The following CGB2 variants were observed in gnomAD, a reference collection of about 807,000 sequenced individuals.
CGB2 encodes the protein choriogonadotropin subunit beta variant 2.
A neutral mutation model predicts 7.1 loss-of-function variants in CGB2; 4 were observed. That is an observed-to-expected ratio of 0.57 (90% confidence interval 0.28 to 1.29). The LOEUF is 1.29. CGB2 is among the 50% of genes most tolerant of loss of function. The pLI, the probability that CGB2 is intolerant of heterozygous loss-of-function variation, is 0.10. For missense variants in CGB2, 88 were observed against 224.0 expected, an observed-to-expected ratio of 0.39 and a Z score of 3.88; for synonymous variants, 51 against 100.3, an observed-to-expected ratio of 0.51 and a Z score of 2.94.
chr19:49,032,478 C>T (rs553803268), intron 1 of CGB2, 26 bp from the exon 2 acceptor site: 57 of 1,556,686 alleles, frequency 3.7e-5, no homozygotes, highest in Admixed American at 2.8e-4. Context: ...GTCTCAGACC[C>T]GGGTGAAGCA....
At chr19:49,032,289 A>C in intron 1 of CGB2, 185 bp downstream of exon 1, 1 of 1,590,150 alleles carries the variant, frequency 6.3e-7, no homozygotes, top group Non-Finnish European at 8.6e-7. Flanking sequence ...CAGGTGGGGC[A>C]GTTCCTGAGG....
In CGB2 at chr19:49,033,218, A is replaced by G. The variant is rs549468046; in HGVS notation, c.489A>G (p.Gln163=). ...PGPSDTPILP[Q] ...CCTCAGACACCCCGATCCTCCCACAATAAAGGCTTCTCAATCCGCACTCTG... is the reference window on the plus strand; with the variant it reads ...CCTCAGACACCCCGATCCTCCCACAGTAAAGGCTTCTCAATCCGCACTCTG... The change falls in exon 3 of 3, where the codon CAA becomes CAG. Residue 163 remains glutamine (Q), a synonymous_variant. Transcript: ENST00000359342. 8 of 1,611,724 alleles carry G rather than the reference A, an allele frequency of 5.0e-6. No homozygotes were observed. The South Asian group carries it at 7.7e-5, about 16-fold the overall frequency.
rs1249806863 is a variant in CGB2, at chr19:49,031,932, TG to T, written c.-163del. ...GCCCCCTGGAGGGAGGAAGGGGAAC[TG>T]TATCTGAGAGAGAGCAGCCAATTGG... is the stretch of plus-strand genomic sequence containing the variant. On this transcript the variant is annotated 5_prime_UTR_variant, in exon 1 of 3. Transcript: ENST00000359342. 1.1e-6 allele frequency: 1 copy of T among 886,782 alleles called. No homozygotes were observed. Among genetic ancestry groups the T allele is most frequent in the Non-Finnish European group, 1.8e-6 (1 of 553,178 alleles). The allele number at this position is 886,782 out of a possible 1,614,324, so 54.9% of individuals were successfully genotyped here.
chr19:49,032,458 C>G (rs749223655), intron 1 of CGB2, 46 bp from the exon 2 acceptor site: 97 of 1,555,862 alleles, frequency 6.2e-5, no homozygotes, highest in Middle Eastern at 2.3e-4. Flanking sequence ...GGCCAGGACT[C>G]GGGGCTGCGG....
In CGB2 at chr19:49,033,120, C is replaced by T. The variant is rs757496259; in HGVS notation, c.391C>T (p.Pro131Ser). ...GGACCACCCCTTGACCTGTGATGAC[C>T]CCCGCTTCCAGGCCTCCTCTTCCTC... ...PKDHPLTCDDPRFQASSSSKA... is the reference protein window; with the variant it reads ...PKDHPLTCDDSRFQASSSSKA... Residue 131 changes from proline to serine, a missense_variant, in exon 3 of 3, where the codon CCC becomes TCC. This residue lies in a region of CGB2 where 59 missense variants were observed against 193.3 expected (regional missense o/e 0.31). Coordinates refer to ENST00000359342, the MANE Select transcript of CGB2 (RefSeq NM_033378.2). 2 of 1,600,422 alleles carry T rather than the reference C, an allele frequency of 1.2e-6. No individual in the cohort carries two copies. The highest frequency in any genetic ancestry group is 1.7e-5 in the Admixed American group (1 of 58,512).
chr19:49,032,190 C>G, intron 1 of CGB2, 86 bp downstream of exon 1: 1 of 1,613,944 alleles, frequency 6.2e-7, no homozygotes, highest in South Asian at 1.1e-5. Context: ...CCACCTGCTT[C>G]CAGGCCATCA....
At position 49,032,360 on chromosome 19, in the gene CGB2, G is replaced by A. The variant is rs1308272768; in HGVS notation, c.10-144G>A. On this transcript the variant is annotated intron_variant, in intron 1 of 2. Transcript: ENST00000359342. ...CTGGGCTGTGGGGTGGGCTCTGAAA[G>A]GCAGGTGTCCGGGTGGTGGGTCCTG... 255 of 1,589,054 alleles carry A rather than the reference G, an allele frequency of 1.6e-4. 2 individuals are homozygous for A. In the East Asian group the frequency reaches 5.7e-3, roughly 35 times the overall value.
Position 49,032,688 on chromosome 19 carries a change from C to CG in CGB2, c.177+21dup. The CG allele has an allele frequency of 8.8e-7, 1 of 1,131,300 alleles. No homozygotes were observed. Among genetic ancestry groups the CG allele is most frequent in the Non-Finnish European group, 1.2e-6 (1 of 820,470 alleles). 70.1% of individuals were successfully genotyped at this position (1,131,300 alleles called of 1,614,324 possible). On this transcript the variant is annotated intron_variant, in intron 2 of 2. Coordinates refer to ENST00000359342, the MANE Select transcript of CGB2 (RefSeq NM_033378.2). ...CCCACCATGGTGAGCTGCCCGGGGC[C>CG]GGGGCAGGTGCTGCCACCTCAGGGC...
intron 2 of CGB2, 67 bp from the exon 3 acceptor site, chr19:49,032,840 G>T: frequency 2.9e-6 from 2 of 698,756 alleles, no homozygotes; most frequent in Non-Finnish European, 4.6e-6. Context: ...TGTGGGGGCA[G>T]CTGGGGAGCT....
chr19:49,031,980 T>G lies in CGB2; in HGVS notation c.-116T>G. 1 of 1,458,478 alleles carries G rather than the reference T, an allele frequency of 6.9e-7. No homozygotes were observed. The highest frequency in any genetic ancestry group is 1.4e-5 in the African/African-American group (1 of 71,814). The allele number at this position is 1,458,478 out of a possible 1,614,324, so 90.3% of individuals were successfully genotyped here. A position where few individuals can be genotyped will look rare whatever the true frequency, so the allele number is the denominator to read the frequency against. On this transcript the variant is annotated 5_prime_UTR_variant, in exon 1 of 3. Transcript: ENST00000359342. ...TTGGGTCCGCTGACTCCGGCCGGGT[T>G]CCCGTGCCGCGTCCAACACCCCTCA...
chr19:49,033,184 T>C lies in CGB2; in HGVS notation c.455T>C (p.Leu152Pro). Residue 152 changes from leucine to proline, a missense_variant, in exon 3 of 3, where the codon CTC becomes CCC. Around this residue, in one of 2 missense-constraint regions of CGB2, gnomAD observed 29 missense variants for 30.7 expected, o/e 0.94. Coordinates refer to ENST00000359342, the MANE Select transcript of CGB2 (RefSeq NM_033378.2). The stretch of plus-strand genomic sequence containing the variant: ...CCCAGCCTTCCAAGCCCATCCCGAC[T>C]CCCGGGGCCCTCAGACACCCCGATC... ...PPPSLPSPSR[L>P]PGPSDTPILP... 1 of 1,611,160 alleles carries C rather than the reference T, an allele frequency of 6.2e-7. No homozygotes were observed. The highest frequency in any genetic ancestry group is 8.5e-7 in the Non-Finnish European group (1 of 1,179,826).
At chr19:49,032,140 G>C (rs1568656594) in intron 1 of CGB2, 36 bp downstream of exon 1, 1 of 1,613,916 alleles carries the variant, frequency 6.2e-7, no homozygotes, top group Non-Finnish European at 8.5e-7. Context: ...ACCAAAGATG[G>C]AGATGTTCCA....
rs374187968 is a variant in CGB2 at position 49,032,022 on chromosome 19, C to T, written c.-74C>T. ...CACCCCTCACTCCCTGTCTCACTCC[C>T]CCACGGAGACTCAATTTACTTTCCA... On this transcript the variant is annotated 5_prime_UTR_variant, in exon 1 of 3. Transcript: ENST00000359342. 1.7e-5 allele frequency: 28 copies of T among 1,605,874 alleles called. No homozygotes were observed. In the African/African-American group the frequency reaches 3.2e-4, roughly 18 times the overall value.
chr19:49,033,097 A>C lies in CGB2; in HGVS notation c.368A>C (p.Asp123Ala). 2 of 1,591,066 alleles carry C rather than the reference A, an allele frequency of 1.3e-6. No homozygotes were observed. Among genetic ancestry groups the C allele is most frequent in the South Asian group, 2.2e-5 (2 of 89,310 alleles). ...RSTTDCGGPK[D>A]HPLTCDDPRF... ...ACCACTGACTGCGGGGGTCCCAAGG[A>C]CCACCCCTTGACCTGTGATGACCCC... Residue 123 changes from aspartate to alanine, a missense_variant, in exon 3 of 3, where the codon GAC (aspartate) becomes GCC (alanine). Asp to Ala is a moderately radical substitution (Grantham distance 126). Around this residue, in one of 2 missense-constraint regions of CGB2, gnomAD observed 59 missense variants for 193.3 expected, o/e 0.31. Transcript: ENST00000359342.
rs2039739826 is a variant in CGB2 at position 49,031,997 on chromosome 19, C to T, written c.-99C>T. On this transcript the variant is annotated 5_prime_UTR_variant, in exon 1 of 3. Transcript: ENST00000359342. ...GGCCGGGTTCCCGTGCCGCGTCCAA[C>T]ACCCCTCACTCCCTGTCTCACTCCC... The T allele has an allele frequency of 6.4e-7, 1 of 1,558,104 alleles. No homozygotes were observed.
At chr19:49,032,304 G>C (rs1334540609) in intron 1 of CGB2, 200 bp downstream of exon 1, 6 of 1,579,602 alleles carry the variant, frequency 3.8e-6, no homozygotes, top group African/African-American at 1.3e-5. Flanking sequence ...CTGAGGGTGG[G>C]GATCTAAAAT....
At position 49,032,024 on chromosome 19, in the gene CGB2, C is replaced by T. The variant is rs560269918; in HGVS notation, c.-72C>T. On this transcript the variant is annotated 5_prime_UTR_variant, in exon 1 of 3. Coordinates refer to ENST00000359342, the MANE Select transcript of CGB2 (RefSeq NM_033378.2). ...CCCCTCACTCCCTGTCTCACTCCCC[C>T]ACGGAGACTCAATTTACTTTCCATG... 2.5e-6 allele frequency: 4 copies of T among 1,607,452 alleles called. No individual in the cohort carries two copies. The highest frequency in any genetic ancestry group is 3.3e-5 in the Admixed American group (2 of 59,960).
Position 49,031,908 on chromosome 19 carries a change from C to G in CGB2, c.-188C>G. 1 of 724,718 alleles carries G rather than the reference C, an allele frequency of 1.4e-6. No individual in the cohort carries two copies. Among genetic ancestry groups the G allele is most frequent in the Non-Finnish European group, 2.3e-6 (1 of 427,126 alleles). 44.9% of individuals were successfully genotyped at this position (724,718 alleles called of 1,614,324 possible). A position where few individuals can be genotyped will look rare whatever the true frequency, so the allele number is the denominator to read the frequency against. On this transcript the variant is annotated 5_prime_UTR_variant, in exon 1 of 3. Coordinates refer to ENST00000359342, the MANE Select transcript of CGB2 (RefSeq NM_033378.2). ...AGTGAGGGCCCTGCGTTCCGTGGCG[C>G]CCCCTGGAGGGAGGAAGGGGAACTG...
intron 1 of CGB2, 191 bp downstream of exon 1, chr19:49,032,295 T>C (rs1186488568): frequency 1.3e-6 from 2 of 1,585,434 alleles, no homozygotes; most frequent in East Asian, 4.5e-5. Context: ...GGGCAGTTCC[T>C]GAGGGTGGGG....
Sources: gnomAD v4.1 joint callset for allele counts on GRCh38, gnomAD v4.1.1 for gene constraint, gnomAD v4.1.1 regional missense constraint, MANE v1.5 for transcripts, NCBI Gene and HGNC (gene_info 2026-07-23, HGNC 2026-07-21) for gene names.